Variants in THSD4 observed in about 807,000 individuals in gnomAD.
The protein encoded by THSD4 is thrombospondin type-1 domain-containing protein 4.
A neutral mutation model predicts 119.0 loss-of-function variants in THSD4; 69 were observed. The observed-to-expected ratio is 0.58, with a 90% CI of 0.48 to 0.71. THSD4 has a LOEUF of 0.71. THSD4 is among the 30% of genes least tolerant of loss of function. The probability of loss-of-function intolerance (pLI) is 0.00; values close to 1 mark genes in which losing one functional copy is unlikely to be tolerated. For synonymous variants in THSD4, 524 were observed against 540.4 expected (o/e 0.97, Z 0.42); for missense variants, 1,393 against 1,391.1 (o/e 1.00, Z -0.02).
chr15:71,412,568 G>A (rs1485572748), intron 7 of THSD4, among the ~76,000 whole-genome samples: 9 of 152,190 alleles, frequency 5.9e-5, no homozygotes, highest in Admixed American at 5.2e-4. Context: ...GAGCCCAAAC[G>A]AAGAGTCTCT....
intron 7 of THSD4, among the ~76,000 whole-genome samples, chr15:71,623,224 A>G (rs1165969764): frequency 2.0e-5 from 3 of 152,230 alleles, no homozygotes; most frequent in African/African-American, 7.2e-5. Context: ...GATGATTAAG[A>G]CAATAACTAA....
At chr15:71,377,911 CA>C (rs57340970) in intron 6 of THSD4, among the ~76,000 whole-genome samples, 95 of 30,224 alleles carry the variant, frequency 3.1e-3, no homozygotes, top group African/African-American at 0.01. Context: ...CACACACACA[CA>C]CAATTTCCTT....
chr15:71,432,798 T>G (rs2046959838), intron 7 of THSD4, among the ~76,000 whole-genome samples: 1 of 151,972 alleles, frequency 6.6e-6, no homozygotes, highest in Non-Finnish European at 1.5e-5. Flanking sequence ...TATACCATCT[T>G]TTTATTTCTT....
intron 8 of THSD4, among the ~76,000 whole-genome samples, chr15:71,674,686 A>G (rs546087465): frequency 2.0e-5 from 3 of 152,118 alleles, no homozygotes; most frequent in Non-Finnish European, 4.4e-5. Context: ...GTAGGTGTCA[A>G]CTAGGGACTA....
intron 7 of THSD4, among the ~76,000 whole-genome samples, chr15:71,457,371 T>C: frequency 1.1e-5 from 1 of 92,684 alleles, no homozygotes; most frequent in African/African-American, 4.6e-5. Flanking sequence ...CAGAGTGAGA[T>C]CTCGCCTCAA....
chr15:71,596,288 G>A (rs1053686546), intron 7 of THSD4, among the ~76,000 whole-genome samples: 8 of 152,198 alleles, frequency 5.3e-5, no homozygotes, highest in African/African-American at 1.9e-4. Context: ...TAGGAACGCA[G>A]TCAGATTGTG....
chr15:71,379,719 A>G (rs1224192514), intron 6 of THSD4, among the ~76,000 whole-genome samples: 1 of 151,750 alleles, frequency 6.6e-6, no homozygotes, highest in Non-Finnish European at 1.5e-5. Flanking sequence ...CGGCCTCCCA[A>G]AGTGCTGGGA....
chr15:71,558,625 C>A (rs886562666), intron 7 of THSD4, among the ~76,000 whole-genome samples: 2 of 152,078 alleles, frequency 1.3e-5, no homozygotes, highest in African/African-American at 4.8e-5. Context: ...CATGCCACCA[C>A]ATCTGGCTAA....
intron 8 of THSD4, among the ~76,000 whole-genome samples, chr15:71,698,489 A>G (rs547947539): frequency 6.6e-6 from 1 of 151,846 alleles, no homozygotes; most frequent in South Asian, 2.1e-4. Flanking sequence ...CTGGGTATAT[A>G]TATCAGGATC....
chr15:71,533,854 G>A (rs1307517079), intron 7 of THSD4, among the ~76,000 whole-genome samples: 1 of 152,130 alleles, frequency 6.6e-6, no homozygotes, highest in Non-Finnish European at 1.5e-5. Flanking sequence ...CTCTAAGTAG[G>A]CATTATTGGC....
chr15:71,572,148 T>G lies in THSD4; in HGVS notation c.1153-88382T>G, dbSNP rs545267013. Among the ~76,000 whole-genome samples the G allele has an allele frequency of 2.0e-5, 3 of 152,336 alleles. No individual in the cohort carries two copies. The South Asian group carries it at 6.2e-4, about 32-fold the overall frequency. On this transcript the variant is annotated intron_variant, in intron 7 of 17. Coordinates refer to ENST00000261862, the MANE Select transcript of THSD4 (RefSeq NM_024817.3). ...AAATAAAATCCTACCACAACAAGCT[T>G]ATTGTTGTTTATATTTTGGATTTAC...
At chr15:71,642,226 T>A (rs2050872275) in intron 7 of THSD4, among the ~76,000 whole-genome samples, 1 of 152,184 alleles carries the variant, frequency 6.6e-6, no homozygotes, top group Admixed American at 6.5e-5. Flanking sequence ...GGAGATCATC[T>A]GAAGGTGTGT....
intron 3 of THSD4, among the ~76,000 whole-genome samples, chr15:71,203,604 T>C (rs756408180): frequency 1.6e-4 from 24 of 152,172 alleles, no homozygotes; most frequent in Non-Finnish European, 3.2e-4. Context: ...AGTCAGAGGT[T>C]GCAGTGAGCC....
intron 6 of THSD4, among the ~76,000 whole-genome samples, chr15:71,325,916 CT>C (rs144320114): frequency 8.1e-4 from 124 of 152,200 alleles, no homozygotes; most frequent in African/African-American, 2.8e-3. Context: ...TTCCTGGGAA[CT>C]TTTTTTTCCT....
intron 6 of THSD4, among the ~76,000 whole-genome samples, chr15:71,304,583 G>A (rs889397167): frequency 4.6e-5 from 7 of 151,828 alleles, no homozygotes; most frequent in African/African-American, 9.7e-5. Context: ...CGGAAGATTC[G>A]GTCGGTATTT....
chr15:71,579,567 C>T (rs1443754527), intron 7 of THSD4, among the ~76,000 whole-genome samples: 1 of 152,164 alleles, frequency 6.6e-6, no homozygotes, highest in East Asian at 1.9e-4. Flanking sequence ...AAGTCACTTC[C>T]CTGGGACTGA....
At chr15:71,613,461 G>C (rs899023507) in intron 7 of THSD4, among the ~76,000 whole-genome samples, 1 of 152,166 alleles carries the variant, frequency 6.6e-6, no homozygotes, top group Non-Finnish European at 1.5e-5. Flanking sequence ...GGAGGAGGAT[G>C]TATGGGTTTA....
At chr15:71,185,733 T>C (rs2043594057) in intron 3 of THSD4, 1 of 152,208 alleles carries the variant, frequency 6.6e-6, no homozygotes, top group African/African-American at 2.4e-5. Flanking sequence ...TTGTTTAGTA[T>C]GGATTTATTC....
At chr15:71,298,311 A>G (rs751986108) in intron 6 of THSD4, among the ~76,000 whole-genome samples, 2 of 152,162 alleles carry the variant, frequency 1.3e-5, no homozygotes, top group Non-Finnish European at 2.9e-5. Flanking sequence ...TGACCTTACA[A>G]TAACACCACA....
Sources: gnomAD v4.1 joint callset for allele counts (sites outside exome capture counted in the v4.1 genomes callset) on GRCh38, gnomAD v4.1.1 for gene constraint, MANE v1.5 for transcripts, NCBI Gene and HGNC (gene_info 2026-07-23, HGNC 2026-07-21) for gene names.